Variants in MYO16 observed in about 807,000 individuals in gnomAD.
MYO16 encodes unconventional myosin-XVI.
MYO16 carries 94 observed loss-of-function variants against 205.3 expected under a neutral mutation model. That is an observed-to-expected ratio of 0.46 (90% confidence interval 0.39 to 0.54). The LOEUF is 0.54. MYO16 is among the 20% of genes least tolerant of loss of function. The pLI is 0.00. For missense variants in MYO16, 2,315 were observed against 2,387.5 expected (o/e 0.97, Z 0.63); for synonymous variants, 988 against 954.0 (o/e 1.04, Z -0.66).
At chr13:108,904,196 A>T (rs888491802) in intron 15 of MYO16, among the ~76,000 whole-genome samples, 1 of 152,200 alleles carries the variant, frequency 6.6e-6, no homozygotes, top group African/African-American at 2.4e-5. Flanking sequence ...AATGTAATTT[A>T]TAAATAGCAT....
intron 23 of MYO16, among the ~76,000 whole-genome samples, chr13:109,044,091 A>G (rs956620646): frequency 1.2e-4 from 19 of 152,188 alleles, no homozygotes; most frequent in Non-Finnish European, 2.1e-4. Flanking sequence ...GTCAGATCCA[A>G]TGATTGACCA....
chr13:108,714,160 A>T (rs373771856), intron 3 of MYO16, among the ~76,000 whole-genome samples: 7 of 152,038 alleles, frequency 4.6e-5, no homozygotes, highest in South Asian at 4.2e-4. Context: ...GGTTCACGCC[A>T]TTCTCCTGCC....
intron 20 of MYO16, among the ~76,000 whole-genome samples, chr13:108,989,788 A>G (rs1884762347): frequency 6.6e-6 from 1 of 152,140 alleles, no homozygotes; most frequent in South Asian, 2.1e-4. Flanking sequence ...ATAGGAAAAT[A>G]TCTTTCTCAT....
intron 20 of MYO16, among the ~76,000 whole-genome samples, chr13:108,986,357 C>A (rs767981491): frequency 1.2e-4 from 19 of 152,176 alleles, no homozygotes; most frequent in Middle Eastern, 3.4e-3. Context: ...CATGGTGGCT[C>A]ATGGCTGTAA....
intron 16 of MYO16, among the ~76,000 whole-genome samples, chr13:108,946,696 AC>A (rs2139328831): frequency 6.6e-6 from 1 of 152,314 alleles, no homozygotes; most frequent in South Asian, 2.1e-4. Flanking sequence ...CTCCAGAAAA[AC>A]AGAGCCAATA....
intron 29 of MYO16, among the ~76,000 whole-genome samples, chr13:109,124,550 TC>T (rs1811856610): frequency 6.6e-6 from 1 of 152,224 alleles, no homozygotes; most frequent in East Asian, 1.9e-4. Flanking sequence ...TTCACTCATT[TC>T]CCCCAACTTT....
At chr13:108,877,200 C>G (rs7335900) in intron 12 of MYO16, among the ~76,000 whole-genome samples, 16,225 of 152,140 alleles carry the variant, frequency 0.11, 884 homozygotes, top group Middle Eastern at 0.13. Flanking sequence ...TCTTTTTGCT[C>G]ATGTTTGAGA....
intron 9 of MYO16, among the ~76,000 whole-genome samples, chr13:108,827,810 G>A (rs1465177443): frequency 6.6e-6 from 1 of 152,140 alleles, no homozygotes; most frequent in Non-Finnish European, 1.5e-5. Context: ...TGAAACAGCT[G>A]CTGCTGAATA....
At chr13:109,007,117 G>A (rs1885412761) in intron 21 of MYO16, among the ~76,000 whole-genome samples, 1 of 152,072 alleles carries the variant, frequency 6.6e-6, no homozygotes. Context: ...AGCCAGGGGC[G>A]GTGGCTCATG....
chr13:108,765,941 A>G (rs1486042036), intron 4 of MYO16, among the ~76,000 whole-genome samples: 1 of 152,194 alleles, frequency 6.6e-6, no homozygotes, highest in East Asian at 1.9e-4. Flanking sequence ...AAGATTTTAA[A>G]TGGCTGTAAT....
chr13:108,664,312 A>G (rs1438895255), intron 1 of MYO16, among the ~76,000 whole-genome samples: 4 of 152,228 alleles, frequency 2.6e-5, no homozygotes, highest in Admixed American at 1.3e-4. Flanking sequence ...ACCTGGCATT[A>G]GAGAATCATG....
At chr13:109,154,249 T>A (rs939604665) in intron 32 of MYO16, among the ~76,000 whole-genome samples, 2 of 152,220 alleles carry the variant, frequency 1.3e-5, no homozygotes, top group African/African-American at 2.4e-5. Flanking sequence ...TATGGAAATG[T>A]CTTGATGCCA....
At chr13:109,073,921 G>T (rs1395851019) in intron 27 of MYO16, among the ~76,000 whole-genome samples, 1 of 152,122 alleles carries the variant, frequency 6.6e-6, no homozygotes, top group Non-Finnish European at 1.5e-5. Context: ...TCTCAAGCTC[G>T]GTTCACCTGA....
intron 10 of MYO16, among the ~76,000 whole-genome samples, chr13:108,853,823 T>C (rs115052468): frequency 4.6e-5 from 7 of 152,194 alleles, no homozygotes; most frequent in African/African-American, 1.7e-4. Context: ...GAATATTGTG[T>C]TTCCTGCTTA....
At chr13:108,798,907 T>G (rs1003770627) in intron 6 of MYO16, among the ~76,000 whole-genome samples, 7 of 143,840 alleles carry the variant, frequency 4.9e-5, no homozygotes, top group East Asian at 2.0e-4. Context: ...GGGTTTCACC[T>G]TGTTAGCCGG....
At chr13:108,882,935 T>G in intron 12 of MYO16, 124 bp from the exon 13 acceptor site, 320 of 1,317,992 alleles carry the variant, frequency 2.4e-4, no homozygotes, top group Non-Finnish European at 3.0e-4. Flanking sequence ...TACATACCAA[T>G]GAGATTCAGA....
At chr13:108,700,397 A>T (rs1883259748) in intron 2 of MYO16, among the ~76,000 whole-genome samples, 1 of 151,554 alleles carries the variant, frequency 6.6e-6, no homozygotes, top group Admixed American at 6.6e-5. Flanking sequence ...CAAATGGTTG[A>T]ACTTCGGCAA....
chr13:108,954,199 G>A (rs1883260024), intron 16 of MYO16, among the ~76,000 whole-genome samples: 1 of 152,208 alleles, frequency 6.6e-6, no homozygotes, highest in Non-Finnish European at 1.5e-5. Context: ...GCTAGCTGGT[G>A]CAGGGCTGCA....
intron 7 of MYO16, among the ~76,000 whole-genome samples, chr13:108,814,644 C>T (rs1055314421): frequency 1.2e-4 from 18 of 152,156 alleles, no homozygotes; most frequent in African/African-American, 3.9e-4. Context: ...AGTATAAGCA[C>T]CCTGCTATAA....
Sources: gnomAD v4.1 joint callset for allele counts (sites outside exome capture counted in the v4.1 genomes callset) on GRCh38, gnomAD v4.1.1 for gene constraint, MANE v1.5 for transcripts, NCBI Gene and HGNC (gene_info 2026-07-23, HGNC 2026-07-21) for gene names.